CLK3: variants seen among roughly 807,000 people sequenced by gnomAD.
CLK3 encodes dual specificity protein kinase CLK3.
A neutral mutation model predicts 65.2 loss-of-function variants in CLK3; 24 were observed. The observed-to-expected ratio is 0.37, with a 90% CI of 0.27 to 0.52. The LOEUF is 0.52. Ranked by LOEUF, CLK3 falls within the 20% of genes least tolerant of loss-of-function variation. CLK3 has a pLI of 0.92. For synonymous variants in CLK3, 252 were observed against 240.8 expected, an observed-to-expected ratio of 1.05 and a Z score of -0.43; for missense variants, 506 against 660.0, an observed-to-expected ratio of 0.77 and a Z score of 2.56.
At chr15:74,618,440 A>G (rs2062076643) in intron 1 of CLK3, among the ~76,000 whole-genome samples, 1 of 152,096 alleles carries the variant, frequency 6.6e-6, no homozygotes, top group Non-Finnish European at 1.5e-5. Flanking sequence ...AGAAGAAGGG[A>G]CAGTAACGGT....
At chr15:74,629,463 C>A (rs1037539916) in intron 12 of CLK3, 8 of 568,810 alleles carry the variant, frequency 1.4e-5, no homozygotes, top group Admixed American at 1.2e-4. Context: ...CAGGACTTTG[C>A]ATGTGGGGGC....
chr15:74,627,088 A>G lies in CLK3; in HGVS notation c.818-264A>G, dbSNP rs1215052103. The G allele has an allele frequency of 3.6e-6, 2 of 555,938 alleles. No individual in the cohort carries two copies. The highest frequency in any genetic ancestry group is 3.1e-5 in the South Asian group (2 of 65,396). 34.4% of individuals were successfully genotyped at this position (555,938 alleles called of 1,614,324 possible). A position where few individuals can be genotyped will look rare whatever the true frequency, so the allele number is the denominator to read the frequency against. ...ACAGGTGAGGAGGCCTGGTCTCTGC[A>G]GAGGAGAGGTGGAGGGAGGTTTTTC... On this transcript the variant is annotated intron_variant, in intron 7 of 12. Transcript: ENST00000395066. This position sits in a 1 kb window ranked among gnomAD's most constrained non-coding sequence, Gnocchi z 4.3.
upstream of CLK3, chr15:74,615,431 G>A: frequency 7.9e-7 from 1 of 1,268,294 alleles, no homozygotes. Flanking sequence ...GGCCGCTCTC[G>A]CGCTCTCCGG....
At position 74,619,993 on chromosome 15, in the gene CLK3, A is replaced by G. The variant is rs1366215210; in HGVS notation, c.153-16A>G. On this transcript the variant is annotated splice_polypyrimidine_tract_variant and intron_variant, in intron 2 of 12. Coordinates refer to ENST00000395066, the MANE Select transcript of CLK3 (RefSeq NM_001130028.2). Reference sequence around the variant, plus strand: ...AAGGACCCAGCTGACCAGCGTCCCCATCCCCCTTTTGGCAGCCATGACCGC... The same window carrying G: ...AAGGACCCAGCTGACCAGCGTCCCCGTCCCCCTTTTGGCAGCCATGACCGC... The G allele has an allele frequency of 1.9e-6, 3 of 1,613,800 alleles. No homozygotes were observed. The highest frequency in any genetic ancestry group is 1.1e-5 in the South Asian group (1 of 91,076).
At position 74,624,774 on chromosome 15, in the gene CLK3, T is replaced by C; in HGVS notation, c.534-128T>C. ...TGCATGGGGCAGGCTGGGCATCCAG[T>C]ATCTGCTCTCTTCAGTGCCGGCTGC... On this transcript the variant is annotated intron_variant, in intron 5 of 12. Transcript: ENST00000395066. The surrounding 1 kb of genome is among the most constrained non-coding windows in gnomAD (Gnocchi z 4.2). 2 of 690,706 alleles carry C rather than the reference T, an allele frequency of 2.9e-6. No homozygotes were observed. The highest frequency in any genetic ancestry group is 5.3e-6 in the Non-Finnish European group (2 of 378,676). The allele number at this position is 690,706 out of a possible 1,614,324, so 42.8% of individuals were successfully genotyped here. A position where few individuals can be genotyped will look rare whatever the true frequency, so the allele number is the denominator to read the frequency against.
chr15:74,615,240 C>T, upstream of CLK3: 2 of 419,330 alleles, frequency 4.8e-6, no homozygotes, highest in Non-Finnish European at 8.1e-6. Flanking sequence ...CTCCAGACTC[C>T]GGCCCCGCCA....
intron 1 of CLK3, chr15:74,618,946 C>G (rs2062080360): frequency 2.3e-6 from 1 of 436,050 alleles, no homozygotes. Flanking sequence ...CCTGAGCACC[C>G]AGGCCACCAG....
chr15:74,628,863 G>C, intron 11 of CLK3, 79 bp from the exon 12 acceptor site: 1 of 1,136,970 alleles, frequency 8.8e-7, no homozygotes, highest in Non-Finnish European at 1.3e-6. Flanking sequence ...GCTGTCTTGG[G>C]AGCTGCTCTT....
intron 7 of CLK3, chr15:74,626,987 A>G (rs1243809757): frequency 4.3e-6 from 2 of 467,094 alleles, no homozygotes; most frequent in African/African-American, 2.0e-5. Context: ...CATTTTGCAA[A>G]GGGCCCTGCA....
chr15:74,617,186 G>A (rs147835884), intron 1 of CLK3, among the ~76,000 whole-genome samples: 1 of 152,270 alleles, frequency 6.6e-6, no homozygotes, highest in East Asian at 1.9e-4. Context: ...CCATTTTCCA[G>A]GCATGCTAAC....
intron 12 of CLK3, 120 bp downstream of exon 12, chr15:74,629,152 G>C (rs1376901857): frequency 1.2e-6 from 1 of 808,064 alleles, no homozygotes; most frequent in Non-Finnish European, 2.2e-6. Context: ...AGCTCTATGG[G>C]AGGCGGCACC....
intron 3 of CLK3, chr15:74,620,480 T>G: frequency 1.7e-6 from 1 of 595,584 alleles, no homozygotes; most frequent in Non-Finnish European, 3.0e-6. Context: ...CTGGCCTGTC[T>G]ATGTCTACAC....
chr15:74,613,509 A>G (rs2062017287), upstream of CLK3: 1 of 152,198 alleles, frequency 6.6e-6, no homozygotes, highest in Non-Finnish European at 1.5e-5. Context: ...GATGGCCTCC[A>G]GGCTGCAAAG....
chr15:74,612,201 C>T (rs868638200), upstream of CLK3, among the ~76,000 whole-genome samples: 8 of 152,356 alleles, frequency 5.3e-5, no homozygotes, highest in East Asian at 1.2e-3. Flanking sequence ...CACGTTCCCC[C>T]TTCCAGTGTG....
In CLK3 at chr15:74,625,802, C is replaced by G. The variant is rs2062139762; in HGVS notation, c.651C>G (p.Phe217Leu). The G allele has an allele frequency of 1.2e-6, 2 of 1,614,070 alleles. No individual in the cohort carries two copies. The highest frequency in any genetic ancestry group is 1.7e-6 in the Non-Finnish European group (2 of 1,179,994). ...AGCCCTGCCCATCCTCCTCCTCCAG[C>G]CTGTGTGTCTTGATGTCTGACTGGT... The part of the protein sequence containing the change: ...KIKEKDKENK[F>L]LCVLMSDWFN... Residue 217 changes from phenylalanine (F) to leucine (L), a missense_variant and splice_region_variant, in exon 7 of 13, where the codon TTC becomes TTG. Transcript: ENST00000395066.
Position 74,627,210 on chromosome 15 carries a change from C to G in CLK3, c.818-142C>G. ...CTTGAGAGGGAGGCCAGCACAGAGGCAGGCTGTAGTCCAGCTCCCTGCTGA... is the reference window on the plus strand; with the variant it reads ...CTTGAGAGGGAGGCCAGCACAGAGGGAGGCTGTAGTCCAGCTCCCTGCTGA... On this transcript the variant is annotated intron_variant, in intron 7 of 12. Coordinates refer to ENST00000395066, the MANE Select transcript of CLK3 (RefSeq NM_001130028.2). This position sits in a 1 kb window ranked among gnomAD's most constrained non-coding sequence, Gnocchi z 4.3. 1.3e-6 allele frequency: 1 copy of G among 749,594 alleles called. No individual in the cohort carries two copies. The highest frequency in any genetic ancestry group is 2.4e-6 in the Non-Finnish European group (1 of 413,580). 46.4% of individuals were successfully genotyped at this position (749,594 alleles called of 1,614,324 possible).
intron 1 of CLK3, among the ~76,000 whole-genome samples, chr15:74,610,638 C>T (rs115692953): frequency 3.2e-3 from 490 of 152,372 alleles, no homozygotes; most frequent in African/African-American, 0.011. Context: ...TCTATCACGA[C>T]AGGCTCCAGC....
chr15:74,627,712 G>C lies in CLK3; in HGVS notation c.1042+44G>C. The stretch of plus-strand genomic sequence containing the variant: ...TGTGACCTTGTCATACTGGACTGTT[G>C]TTGGGAGGGTATGAGCAGAGGCAGT... On this transcript the variant is annotated intron_variant, in intron 9 of 12. Coordinates refer to ENST00000395066, the MANE Select transcript of CLK3 (RefSeq NM_001130028.2). This position sits in a 1 kb window ranked among gnomAD's most constrained non-coding sequence, Gnocchi z 4.3. 2.5e-6 allele frequency: 4 copies of C among 1,611,082 alleles called. No homozygotes were observed. Among genetic ancestry groups the C allele is most frequent in the Non-Finnish European group, 3.4e-6 (4 of 1,178,536 alleles).
At chr15:74,620,337 G>C in intron 3 of CLK3, 112 bp downstream of exon 3, 1 of 1,373,904 alleles carries the variant, frequency 7.3e-7, no homozygotes, top group Non-Finnish European at 1.0e-6. Flanking sequence ...CACGTGCACT[G>C]GTGTGCGTGC....
Sources: allele counts gnomAD v4.1 joint callset (sites outside exome capture counted in the v4.1 genomes callset), GRCh38; gene constraint gnomAD v4.1.1; non-coding constraint Gnocchi (gnomAD v3.1); transcripts MANE v1.5; gene names NCBI Gene and HGNC (gene_info 2026-07-23, HGNC 2026-07-21).